Variants in SCARA3 observed in about 807,000 individuals in gnomAD.
SCARA3 encodes the protein cellular stress response gene protein.
SCARA3 carries 39 observed loss-of-function variants against 47.0 expected under a neutral mutation model. The observed-to-expected ratio is 0.83, with a 90% confidence interval of 0.64 to 1.08. The LOEUF (loss-of-function observed/expected upper bound fraction) is 1.08, where lower values mean the gene tolerates loss of function less well. SCARA3 is among the 50% of genes least tolerant of loss of function. The probability of loss-of-function intolerance (pLI) is 0.00; values close to 1 mark genes in which losing one functional copy is unlikely to be tolerated. For synonymous variants in SCARA3, 356 were observed against 334.1 expected (o/e 1.07, Z -0.71); for missense variants, 724 against 792.3 (o/e 0.91, Z 1.04).
chr8:27,712,025 AC>A, the SCARA3 span, among the ~76,000 whole-genome samples: 1 of 152,218 alleles, frequency 6.6e-6, no homozygotes, highest in East Asian at 1.9e-4. Context: ...GGAGAATAAA[AC>A]AAGAAGTTCA....
At chr8:27,688,835 C>T in the SCARA3 span, among the ~76,000 whole-genome samples, 1 of 152,210 alleles carries the variant, frequency 6.6e-6, no homozygotes, top group Non-Finnish European at 1.5e-5. Flanking sequence ...CCACACGGGG[C>T]TTTTAGGGTT....
downstream of SCARA3, among the ~76,000 whole-genome samples, chr8:27,678,429 A>C (rs1014312103): frequency 8.0e-5 from 12 of 150,676 alleles, no homozygotes; most frequent in Non-Finnish European, 1.6e-4. Flanking sequence ...ACTTACATGA[A>C]AGTGGACAAA....
chr8:27,706,802 G>A, the SCARA3 span, among the ~76,000 whole-genome samples: 7 of 152,110 alleles, frequency 4.6e-5, no homozygotes, highest in Non-Finnish European at 8.8e-5. Context: ...GGACTGAGGA[G>A]GAGGAATGTT....
intron 5 of SCARA3, 136 bp downstream of exon 5, chr8:27,659,675 C>A: frequency 2.8e-6 from 2 of 715,298 alleles, no homozygotes; most frequent in Non-Finnish European, 2.3e-6. Context: ...CTACAGCAGT[C>A]GGCAGCTTTA....
At chr8:27,725,179 G>A in the SCARA3 span, among the ~76,000 whole-genome samples, 3 of 151,948 alleles carry the variant, frequency 2.0e-5, no homozygotes, top group African/African-American at 7.2e-5. Context: ...AAAACAGGTT[G>A]AACTAAACAG....
chr8:27,710,005 C>G, the SCARA3 span, among the ~76,000 whole-genome samples: 3 of 152,176 alleles, frequency 2.0e-5, no homozygotes, highest in South Asian at 6.2e-4. Flanking sequence ...CTAAGGGGGG[C>G]GGATCATGAG....
intron 1 of SCARA3, among the ~76,000 whole-genome samples, chr8:27,638,022 G>A (rs1297913904): frequency 2.6e-5 from 4 of 152,112 alleles, no homozygotes; most frequent in Non-Finnish European, 5.9e-5. Context: ...TCAGATGTTG[G>A]AGTTCGGCTC....
downstream of SCARA3, among the ~76,000 whole-genome samples, chr8:27,679,651 C>T (rs1157777702): frequency 2.0e-5 from 3 of 152,160 alleles, no homozygotes; most frequent in African/African-American, 7.2e-5. Context: ...CAATAACCAA[C>T]AACTCCAGAA....
Position 27,671,034 on chromosome 8 carries a change from G to A in SCARA3, c.1504G>A (p.Gly502Arg). The change falls in exon 6 of 6, where the codon GGA (glycine) becomes AGA (arginine). Residue 502 changes from glycine to arginine, a missense_variant. Transcript: ENST00000301904. Reference sequence around the variant, plus strand: ...ACCCCAGGGTCCTCAGGGGCAACCTGGAGAGGCCGGGCCTGTGGGAGAAAG... The same window carrying A: ...ACCCCAGGGTCCTCAGGGGCAACCTAGAGAGGCCGGGCCTGTGGGAGAAAG... ...LGPQGPQGQP[G>R]EAGPVGERGP... The A allele has an allele frequency of 6.2e-7, 1 of 1,612,174 alleles. No homozygotes were observed. The highest frequency in any genetic ancestry group is 8.5e-7 in the Non-Finnish European group (1 of 1,179,608).
chr8:27,634,079 C>T lies in SCARA3; in HGVS notation c.-122C>T. ...GGAGCATGAGTCCCGGCCGGAGCCCCACGGCCGCGGGCGGCGCCTAGGACG... is the reference window on the plus strand; with the variant it reads ...GGAGCATGAGTCCCGGCCGGAGCCCTACGGCCGCGGGCGGCGCCTAGGACG... On this transcript the variant is annotated 5_prime_UTR_variant, in exon 1 of 6. Transcript: ENST00000301904. The T allele has an allele frequency of 1.1e-6, 1 of 910,688 alleles. No individual in the cohort carries two copies. Among genetic ancestry groups the T allele is most frequent in the Non-Finnish European group, 1.5e-6 (1 of 673,058 alleles). 56.4% of individuals were successfully genotyped at this position (910,688 alleles called of 1,614,324 possible).
the SCARA3 span, among the ~76,000 whole-genome samples, chr8:27,688,321 T>C: frequency 1.3e-5 from 2 of 151,630 alleles, no homozygotes; most frequent in Non-Finnish European, 2.9e-5. Flanking sequence ...TGATGACTTA[T>C]GATGGGGAAG....
downstream of SCARA3, chr8:27,679,765 A>G (rs1187044661): frequency 6.6e-6 from 1 of 152,210 alleles, no homozygotes; most frequent in Non-Finnish European, 1.5e-5. Flanking sequence ...AATTACACAG[A>G]CAGTACTCTC....
chr8:27,708,799 T>G, the SCARA3 span, among the ~76,000 whole-genome samples: 1 of 152,184 alleles, frequency 6.6e-6, no homozygotes, highest in Non-Finnish European at 1.5e-5. Context: ...TTATAGACTT[T>G]AAAAACCACA....
rs1458956784 is a variant in SCARA3 at position 27,671,418 on chromosome 8, G to C, written c.*67G>C. On this transcript the variant is annotated 3_prime_UTR_variant, in exon 6 of 6. Transcript: ENST00000301904. ...GGGCGCAGAGCAGATCCAGGCCCCA[G>C]AAAGCCTCACCTACAGACAGCTGTG... The C allele has an allele frequency of 7.4e-7, 1 of 1,343,864 alleles. No homozygotes were observed. The highest frequency in any genetic ancestry group is 1.5e-5 in the African/African-American group (1 of 65,524). 83.2% of individuals were successfully genotyped at this position (1,343,864 alleles called of 1,614,324 possible). A position where few individuals can be genotyped will look rare whatever the true frequency, so the allele number is the denominator to read the frequency against.
chr8:27,682,853 T>A, the SCARA3 span, among the ~76,000 whole-genome samples: 5 of 152,148 alleles, frequency 3.3e-5, no homozygotes, highest in Non-Finnish European at 7.4e-5. Flanking sequence ...ATAACTACTT[T>A]GAAAAACAGT....
chr8:27,658,464 G>A (rs1405585706), intron 4 of SCARA3, 32 bp from the exon 5 acceptor site: 2 of 1,540,422 alleles, frequency 1.3e-6, no homozygotes, highest in Admixed American at 2.1e-5. Flanking sequence ...TGGCCCTTCA[G>A]CAACTCAAAC....
At chr8:27,729,502 G>A in the SCARA3 span, among the ~76,000 whole-genome samples, 1 of 152,134 alleles carries the variant, frequency 6.6e-6, no homozygotes, top group Non-Finnish European at 1.5e-5. Flanking sequence ...CATAGAAAAG[G>A]AGCAGAGGCC....
chr8:27,638,635 C>G (rs1349379367), intron 1 of SCARA3, among the ~76,000 whole-genome samples: 4 of 152,158 alleles, frequency 2.6e-5, no homozygotes, highest in African/African-American at 9.7e-5. Flanking sequence ...CTGTATTCAA[C>G]AAACAGCGAT....
At chr8:27,667,272 T>C (rs1285590779) in intron 5 of SCARA3, among the ~76,000 whole-genome samples, 3 of 152,174 alleles carry the variant, frequency 2.0e-5, no homozygotes, top group Non-Finnish European at 4.4e-5. Flanking sequence ...CCCGCATGAC[T>C]CATGCCTGGC....
Sources: allele counts gnomAD v4.1 joint callset (sites outside exome capture counted in the v4.1 genomes callset), GRCh38; gene constraint gnomAD v4.1.1; transcripts MANE v1.5; gene names NCBI Gene and HGNC (gene_info 2026-07-23, HGNC 2026-07-21).